CKMT2: variants seen among roughly 807,000 people sequenced by gnomAD.
CKMT2 encodes the protein creatine kinase, mitochondrial 2.
A neutral mutation model predicts 48.9 loss-of-function variants in CKMT2; 43 were observed. The ratio of observed to expected loss-of-function variants is 0.88; its 90% CI spans 0.69 to 1.13. CKMT2 has a LOEUF of 1.13. Ranked by LOEUF, CKMT2 falls within the 50% of genes most tolerant of loss-of-function variation. The pLI is 0.00. For missense variants in CKMT2, 472 were observed against 555.4 expected (o/e 0.85, Z 1.51); for synonymous variants, 206 against 213.0 (o/e 0.97, Z 0.29).
intron 2 of CKMT2, among the ~76,000 whole-genome samples, chr5:81,251,611 AAC>A (rs1417686988): frequency 3.3e-5 from 5 of 152,050 alleles, no homozygotes. Flanking sequence ...CAAAAACAAA[AAC>A]AAAAAAAAAT....
intron 1 of CKMT2, chr5:81,242,477 T>TA: frequency 2.0e-6 from 1 of 498,548 alleles, no homozygotes; most frequent in Non-Finnish European, 3.9e-6. Flanking sequence ...CTCATTCCCC[T>TA]AGTTTCTTGT....
chr5:81,233,670 GA>G (rs919901226), intron 1 of CKMT2, among the ~76,000 whole-genome samples: 1 of 150,720 alleles, frequency 6.6e-6, no homozygotes, highest in Admixed American at 6.6e-5. Context: ...TTTCTCGATG[GA>G]AAAAAAAATC....
intron 1 of CKMT2, among the ~76,000 whole-genome samples, chr5:81,235,486 C>T (rs1027860436): frequency 4.6e-5 from 7 of 152,186 alleles, no homozygotes; most frequent in African/African-American, 1.7e-4. Context: ...CACCTGCCCT[C>T]TGGCTGAGGA....
intron 1 of CKMT2, 98 bp from the exon 2 acceptor site, chr5:81,251,015 G>C (rs1756792571): frequency 1.3e-6 from 1 of 779,890 alleles, no homozygotes; most frequent in Non-Finnish European, 2.1e-6. Flanking sequence ...ACCGGAAAGA[G>C]AGGCTATGGC....
rs1249627459 is a variant in CKMT2 at position 81,251,237 on chromosome 5, G to C, written c.105G>C (p.Gln35His). The change falls in exon 2 of 10, where the codon CAG (glutamine) becomes CAC (histidine). Residue 35 changes from glutamine to histidine, a missense_variant. Gln to His is a conservative substitution (Grantham distance 24). Coordinates refer to ENST00000254035, the MANE Select transcript of CKMT2 (RefSeq NM_001099735.2). ...CCACCGGGTACCTGCTGAACCGGCA[G>C]AAAGTGTGTGCCGAGGTCCGGGAGC... Reference protein sequence around the residue: ...VLTTGYLLNRQKVCAEVREQP... With the variant: ...VLTTGYLLNRHKVCAEVREQP... 6.2e-7 allele frequency: 1 copy of C among 1,614,218 alleles called. No homozygotes were observed. The highest frequency in any genetic ancestry group is 1.3e-5 in the African/African-American group (1 of 75,064).
intron 1 of CKMT2, chr5:81,244,764 A>T (rs547708375): frequency 1.3e-5 from 2 of 151,566 alleles, no homozygotes; most frequent in East Asian, 3.9e-4. Context: ...TTCCTTTATC[A>T]CAGTGCTACA....
At chr5:81,263,239 G>C (rs1204350067) in intron 8 of CKMT2, among the ~76,000 whole-genome samples, 1 of 151,710 alleles carries the variant, frequency 6.6e-6, no homozygotes, top group South Asian at 2.1e-4. Flanking sequence ...TGGATTGATG[G>C]GTGCAGCAAA....
intron 4 of CKMT2, 132 bp from the exon 5 acceptor site, chr5:81,254,843 CCGGAATGTGTCCAATTTA>C (rs1294743957): frequency 1.4e-6 from 1 of 692,072 alleles, no homozygotes; most frequent in East Asian, 2.7e-5. Flanking sequence ...CCCAAGACTT[CCGGAATGTGTCCAATTTA>C]CGGATTGTGC....
intron 1 of CKMT2, 135 bp from the exon 2 acceptor site, chr5:81,250,977 AC>A: frequency 1.5e-6 from 1 of 671,950 alleles, no homozygotes; most frequent in Non-Finnish European, 2.6e-6. Context: ...ACACACACAC[AC>A]AGAAAGAGAG....
In CKMT2 at chr5:81,233,375, A is replaced by C. The variant is rs1038450112; in HGVS notation, c.-23A>C. On this transcript the variant is annotated splice_region_variant and 5_prime_UTR_variant, in exon 1 of 10. Coordinates refer to ENST00000254035, the MANE Select transcript of CKMT2 (RefSeq NM_001099735.2). ...GCAGGACGTGGGAGGCTCCGGCTTCAAGGTCGGTGAGTCCGTGAAACTCTG... is the reference window on the plus strand; with the variant it reads ...GCAGGACGTGGGAGGCTCCGGCTTCCAGGTCGGTGAGTCCGTGAAACTCTG... The C allele has an allele frequency of 1.0e-6, 1 of 985,746 alleles. No homozygotes were observed. Among genetic ancestry groups the C allele is most frequent in the African/African-American group, 1.7e-5 (1 of 57,366 alleles). The allele number at this position is 985,746 out of a possible 1,614,324, so 61.1% of individuals were successfully genotyped here.
chr5:81,236,794 T>A (rs1282816373), intron 1 of CKMT2, among the ~76,000 whole-genome samples: 1 of 152,172 alleles, frequency 6.6e-6, no homozygotes, highest in Non-Finnish European at 1.5e-5. Flanking sequence ...CAGAGGATGA[T>A]CAGTAGATCT....
At chr5:81,241,298 G>A (rs543076576) in intron 1 of CKMT2, among the ~76,000 whole-genome samples, 1 of 152,286 alleles carries the variant, frequency 6.6e-6, no homozygotes, top group East Asian at 1.9e-4. Context: ...ATGCAAAAAG[G>A]GGAAGAGCTT....
intron 1 of CKMT2, among the ~76,000 whole-genome samples, chr5:81,248,544 C>A (rs1756688276): frequency 6.6e-6 from 1 of 152,194 alleles, no homozygotes; most frequent in African/African-American, 2.4e-5. Context: ...TGGAGGGATA[C>A]TGACATGATG....
At chr5:81,235,395 T>A (rs1381059592) in intron 1 of CKMT2, among the ~76,000 whole-genome samples, 1 of 152,190 alleles carries the variant, frequency 6.6e-6, no homozygotes, top group East Asian at 1.9e-4. Context: ...TCTGTGGAGC[T>A]GGTCCAAGCC....
At chr5:81,247,205 A>T (rs900221994) in intron 1 of CKMT2, among the ~76,000 whole-genome samples, 1 of 152,178 alleles carries the variant, frequency 6.6e-6, no homozygotes, top group African/African-American at 2.4e-5. Context: ...CAGAACATGG[A>T]GGGAACTGAA....
intron 7 of CKMT2, among the ~76,000 whole-genome samples, chr5:81,258,503 T>TAACA (rs1043795712): frequency 6.6e-6 from 1 of 152,180 alleles, no homozygotes; most frequent in African/African-American, 2.4e-5. Context: ...TGCCACCAAC[T>TAACA]AACATTCATC....
At chr5:81,254,372 A>C in intron 3 of CKMT2, 24 bp from the exon 4 acceptor site, 1 of 1,593,938 alleles carries the variant, frequency 6.3e-7, no homozygotes, top group Non-Finnish European at 8.6e-7. Context: ...GTTAAAGAGG[A>C]AACACCCATC....
In CKMT2 at chr5:81,257,835, A is replaced by G; in HGVS notation, c.858A>G (p.Arg286=). The change falls in exon 7 of 10, where the codon CGA becomes CGG. Residue 286 remains arginine (R), a synonymous_variant. Transcript: ENST00000254035. ...GCAATATGAAACGAGTATTTGAGCGATTCTGTCGTGGACTAAAAGAAGTAA... is the reference window on the plus strand; with the variant it reads ...GCAATATGAAACGAGTATTTGAGCGGTTCTGTCGTGGACTAAAAGAAGTAA... ...KGGNMKRVFE[R]FCRGLKEVER... 1 of 1,613,688 alleles carries G rather than the reference A, an allele frequency of 6.2e-7. No homozygotes were observed. The highest frequency in any genetic ancestry group is 1.1e-5 in the South Asian group (1 of 91,046).
chr5:81,234,515 G>A (rs901629296), intron 1 of CKMT2, among the ~76,000 whole-genome samples: 5 of 152,202 alleles, frequency 3.3e-5, no homozygotes, highest in Non-Finnish European at 4.4e-5. Context: ...GCTCTTCCGG[G>A]AGGCTCTTGG....
Sources: gnomAD v4.1 joint callset for allele counts (sites outside exome capture counted in the v4.1 genomes callset) on GRCh38, gnomAD v4.1.1 for gene constraint, MANE v1.5 for transcripts, NCBI Gene and HGNC (gene_info 2026-07-23, HGNC 2026-07-21) for gene names.